Variants in GSE1 observed in about 807,000 individuals in gnomAD.
GSE1 encodes genetic suppressor element 1.
A neutral mutation model predicts 112.6 loss-of-function variants in GSE1; 32 were observed. The ratio of observed to expected loss-of-function variants is 0.28; its 90% CI spans 0.21 to 0.38. The LOEUF (loss-of-function observed/expected upper bound fraction) is 0.38, where lower values mean the gene tolerates loss of function less well. Among genes scored for constraint, GSE1 ranks in the 10% least tolerant of loss-of-function variants. GSE1 has a pLI of 1.00. For missense variants in GSE1, 2,348 were observed against 1,699.2 expected (o/e 1.38, Z -6.71); for synonymous variants, 1,115 against 735.6 (o/e 1.52, Z -8.35).
chr16:85,579,098 TA>T (rs1210847578), intron 1 of GSE1, among the ~76,000 whole-genome samples: 3 of 152,130 alleles, frequency 2.0e-5, no homozygotes, highest in African/African-American at 7.2e-5. Flanking sequence ...CTAAATAGTC[TA>T]AAAAGAGAGA....
At position 85,453,988 on chromosome 16, in the gene GSE1, G is replaced by C. The variant is rs1040344549; in HGVS notation, c.2464+96345G>C. Among the ~76,000 whole-genome samples, 35 of 152,110 alleles carry C rather than the reference G, an allele frequency of 2.3e-4. 2 individuals are homozygous for C. On this transcript the variant is annotated intron_variant, in intron 2 of 2. Transcript: ENST00000637419. Reference sequence around the variant, plus strand: ...AGCCAGGTCCTCATGCCCCAGGAAGGAGACTTGGGGGCGATTCCACCCCCG... The same window carrying C: ...AGCCAGGTCCTCATGCCCCAGGAAGCAGACTTGGGGGCGATTCCACCCCCG...
intron 2 of GSE1, among the ~76,000 whole-genome samples, chr16:85,447,284 T>C (rs962773439): frequency 4.6e-5 from 7 of 152,196 alleles, no homozygotes; most frequent in African/African-American, 1.7e-4. Flanking sequence ...CTCTTTTGGC[T>C]ACTCTGAGGC....
At chr16:85,590,087 G>A (rs1339944648) in intron 1 of GSE1, among the ~76,000 whole-genome samples, 2 of 152,166 alleles carry the variant, frequency 1.3e-5, no homozygotes, top group African/African-American at 4.8e-5. Context: ...GAAGGTGTGT[G>A]TGAGGCGTGT....
At chr16:85,246,450 CACACACA>C (rs1905803819) in intron 1 of GSE1, among the ~76,000 whole-genome samples, 1 of 138,766 alleles carries the variant, frequency 7.2e-6, no homozygotes, top group East Asian at 2.2e-4. Context: ...CACACACACA[CACACACA>C]CACCCCACAC....
chr16:85,398,367 C>T (rs776019211), intron 2 of GSE1, among the ~76,000 whole-genome samples: 5 of 152,146 alleles, frequency 3.3e-5, no homozygotes, highest in Non-Finnish European at 7.3e-5. Flanking sequence ...AGAGCCCAGT[C>T]CCTCCTGAGC....
intron 1 of GSE1, among the ~76,000 whole-genome samples, chr16:85,338,733 G>A (rs112325932): frequency 2.0e-5 from 3 of 152,318 alleles, no homozygotes; most frequent in African/African-American, 4.8e-5. Context: ...AGTAGGTACT[G>A]TCATTGTGAC....
intron 2 of GSE1, among the ~76,000 whole-genome samples, chr16:85,548,726 C>G (rs976133185): frequency 6.6e-6 from 1 of 152,154 alleles, no homozygotes; most frequent in Non-Finnish European, 1.5e-5. Flanking sequence ...GGTGCTTCCT[C>G]TTGTTATAAA....
At chr16:85,286,648 G>A (rs947294765) in intron 1 of GSE1, among the ~76,000 whole-genome samples, 2 of 152,310 alleles carry the variant, frequency 1.3e-5, no homozygotes, top group Middle Eastern at 3.4e-3. Flanking sequence ...ATTATTTGGC[G>A]CTGCGGTTTA....
intron 2 of GSE1, among the ~76,000 whole-genome samples, chr16:85,513,644 T>C (rs1016004366): frequency 2.0e-5 from 3 of 151,804 alleles, no homozygotes; most frequent in African/African-American, 4.9e-5. Context: ...GGCCTCACCC[T>C]CCTCCTCCAG....
intron 1 of GSE1, among the ~76,000 whole-genome samples, chr16:85,189,325 C>T (rs4783144): frequency 0.17 from 25,625 of 152,148 alleles, 2,270 homozygotes; most frequent in Non-Finnish European, 0.19. Flanking sequence ...AGCCCTGTTT[C>T]TCCAACTAGA....
chr16:85,619,320 C>T (rs2048578658), intron 1 of GSE1, among the ~76,000 whole-genome samples: 1 of 152,058 alleles, frequency 6.6e-6, no homozygotes, highest in Admixed American at 6.6e-5. Context: ...GTATCGACCG[C>T]CCAGCTTTTG....
intron 1 of GSE1, among the ~76,000 whole-genome samples, chr16:85,584,136 T>A (rs908060819): frequency 1.3e-5 from 2 of 152,122 alleles, no homozygotes; most frequent in Admixed American, 6.5e-5. Flanking sequence ...GCCTTGGGTC[T>A]TTGTGTGCGT....
intron 2 of GSE1, among the ~76,000 whole-genome samples, chr16:85,511,547 A>T (rs1003113210): frequency 5.5e-5 from 8 of 145,274 alleles, no homozygotes; most frequent in South Asian, 2.2e-4. Context: ...AAAAAAAAAG[A>T]TGGCCTGGCA....
In GSE1 at chr16:85,360,848, G is replaced by A. The variant is rs988504343; in HGVS notation, c.2464+3205G>A. The stretch of plus-strand genomic sequence containing the variant: ...CACACAGATACACACACAGAAACCC[G>A]TGACACACACACACACACCTGCATA... On this transcript the variant is annotated intron_variant, in intron 2 of 2. Coordinates refer to the GSE1 transcript ENST00000637419. 4.6e-5 allele frequency among the ~76,000 whole-genome samples: 7 copies of A among 151,386 alleles called. No homozygotes were observed. The South Asian group carries it at 8.4e-4, about 18-fold the overall frequency.
chr16:85,280,594 C>T (rs906862859), intron 1 of GSE1, among the ~76,000 whole-genome samples: 13 of 152,132 alleles, frequency 8.5e-5, no homozygotes, highest in Admixed American at 8.5e-4. Flanking sequence ...CGGGATTTTG[C>T]CATGTTGGCC....
chr16:85,512,647 A>G (rs893482347), intron 2 of GSE1, among the ~76,000 whole-genome samples: 2 of 152,096 alleles, frequency 1.3e-5, no homozygotes, highest in Non-Finnish European at 2.9e-5. Flanking sequence ...CTTTATATAA[A>G]CATCAATTAC....
chr16:85,554,955 G>A, upstream of GSE1: 1 of 985,388 alleles, frequency 1.0e-6, no homozygotes, highest in Non-Finnish European at 1.2e-6. Flanking sequence ...GTTTGGAGAG[G>A]CGAGCCCGGC....
At position 85,648,663 on chromosome 16, in the gene GSE1, G is replaced by A; in HGVS notation, c.338G>A (p.Gly113Glu). 6.2e-7 allele frequency: 1 copy of A among 1,603,932 alleles called. No homozygotes were observed. Among genetic ancestry groups the A allele is most frequent in the African/African-American group, 1.3e-5 (1 of 74,736 alleles). Residue 113 changes from glycine (G) to glutamate (E), a missense_variant, in exon 3 of 16, where the codon GGG becomes GAG. Coordinates refer to ENST00000253458, the MANE Select transcript of GSE1 (RefSeq NM_014615.5). The part of the protein sequence containing the change: ...VPMGPIIVPP[G>E]GHSVPSTPPV... ...ATGGGCCCTATCATCGTCCCCCCTG[G>A]GGGCCACAGCGTGCCCAGCACCCCC...
chr16:85,523,002 CTA>C (rs1310430191), intron 2 of GSE1, among the ~76,000 whole-genome samples: 4 of 151,736 alleles, frequency 2.6e-5, no homozygotes, highest in South Asian at 2.1e-4. Context: ...ATGAATGTGA[CTA>C]TGTGGGCACG....
Sources: allele counts gnomAD v4.1 joint callset (sites outside exome capture counted in the v4.1 genomes callset), GRCh38; gene constraint gnomAD v4.1.1; transcripts MANE v1.5; gene names NCBI Gene and HGNC (gene_info 2026-07-23, HGNC 2026-07-21).